The following PRKAR1A variants were observed in gnomAD, a reference collection of about 807,000 sequenced individuals.
The protein encoded by PRKAR1A is protein kinase cAMP-dependent type I regulatory subunit alpha, also known as cAMP-dependent protein kinase type I-alpha regulatory subunit.
A neutral mutation model predicts 52.0 loss-of-function variants in PRKAR1A; 3 were observed. The observed-to-expected ratio is 0.06, with a 90% confidence interval of 0.03 to 0.15. The LOEUF is 0.15. Ranked by LOEUF, PRKAR1A falls within the 10% of genes least tolerant of loss-of-function variation. The probability of loss-of-function intolerance (pLI) is 1.00; values close to 1 mark genes in which losing one functional copy is unlikely to be tolerated. For synonymous variants in PRKAR1A, 188 were observed against 168.4 expected, an observed-to-expected ratio of 1.12 and a Z score of -0.90; for missense variants, 240 against 477.4, an observed-to-expected ratio of 0.50 and a Z score of 4.63.
chr17:68,439,422 T>C, the PRKAR1A span, among the ~76,000 whole-genome samples: 4 of 152,014 alleles, frequency 2.6e-5, no homozygotes, highest in African/African-American at 7.2e-5. Flanking sequence ...ATGTCCAGAA[T>C]AGAGAAATCC....
the PRKAR1A span, among the ~76,000 whole-genome samples, chr17:68,483,476 G>A: frequency 4.6e-5 from 7 of 151,830 alleles, no homozygotes; most frequent in South Asian, 2.1e-4. Context: ...GCAAGACTCC[G>A]TCTTAAAACA....
At chr17:68,468,897 C>G in the PRKAR1A span, among the ~76,000 whole-genome samples, 1 of 152,214 alleles carries the variant, frequency 6.6e-6, no homozygotes, top group Non-Finnish European at 1.5e-5. Context: ...GCTCTCAGCT[C>G]TTCTCTCTCC....
chr17:68,424,439 C>T, the PRKAR1A span: 1 of 534,738 alleles, frequency 1.9e-6, no homozygotes, highest in Non-Finnish European at 3.8e-6. Context: ...ACCTGCACTC[C>T]ATCCTTTTAC....
chr17:68,444,695 T>G, the PRKAR1A span: 6 of 869,708 alleles, frequency 6.9e-6, no homozygotes, highest in Non-Finnish European at 1.0e-5. Context: ...ATTCTAAGCC[T>G]AAAGCAGAAT....
At chr17:68,432,899 C>T in the PRKAR1A span, among the ~76,000 whole-genome samples, 3 of 152,142 alleles carry the variant, frequency 2.0e-5, no homozygotes, top group Non-Finnish European at 4.4e-5. Flanking sequence ...ACAGGTGTAA[C>T]TCAAAGCTCA....
chr17:68,532,593 T>C lies in PRKAR1A; in HGVS notation c.*2144T>C. The stretch of plus-strand genomic sequence containing the variant: ...TAAAAGTCATTATTCCTGGGCTTGG[T>C]AAGTGAATTTATGAGATTTACTGCT... On this transcript the variant is annotated 3_prime_UTR_variant, in exon 11 of 11. Coordinates refer to ENST00000589228, the MANE Select transcript of PRKAR1A (RefSeq NM_002734.5). The C allele has an allele frequency of 1.9e-6, 2 of 1,066,252 alleles. No homozygotes were observed. The highest frequency in any genetic ancestry group is 2.3e-6 in the Non-Finnish European group (2 of 879,600). The allele number at this position is 1,066,252 out of a possible 1,614,324, so 66.0% of individuals were successfully genotyped here. A position where few individuals can be genotyped will look rare whatever the true frequency, so the allele number is the denominator to read the frequency against.
chr17:68,543,714 G>T, intron 11 of PRKAR1A: 2 of 1,613,824 alleles, frequency 1.2e-6, no homozygotes, highest in Non-Finnish European at 1.7e-6. Context: ...TCCTCATCTC[G>T]CTGCTGTCTG....
the PRKAR1A span, chr17:68,424,436 C>T: frequency 1.9e-6 from 1 of 534,746 alleles, no homozygotes. Flanking sequence ...CAGACCTGCA[C>T]TCCATCCTTT....
At chr17:68,537,176 A>G, downstream of PRKAR1A, 1 of 568,922 alleles carries the variant, frequency 1.8e-6, no homozygotes, top group Non-Finnish European at 3.3e-6. The surrounding 1 kb of genome is among the most constrained non-coding windows in gnomAD (Gnocchi z 4.2). Context: ...TCCTGGGATC[A>G]AGGCTGCCAA....
At chr17:68,528,722 A>T in intron 8 of PRKAR1A, 148 bp from the exon 9 acceptor site, 1 of 1,014,248 alleles carries the variant, frequency 9.9e-7, no homozygotes, top group Non-Finnish European at 1.5e-6. Flanking sequence ...GACTAGAGGT[A>T]ATTGAAGACA....
chr17:68,507,876 C>T (rs933352590), upstream of PRKAR1A, among the ~76,000 whole-genome samples: 2 of 152,156 alleles, frequency 1.3e-5, no homozygotes, highest in African/African-American at 2.4e-5. Flanking sequence ...TCACTGAATA[C>T]ATGCTTGTGA....
At chr17:68,536,717 G>A (rs2086106887), downstream of PRKAR1A, 1 of 453,868 alleles carries the variant, frequency 2.2e-6, no homozygotes, top group Non-Finnish European at 4.4e-6. Flanking sequence ...ATGCCATCCT[G>A]ACCTTGGAGG....
chr17:68,515,333 A>T (rs553498372), intron 1 of PRKAR1A, 61 bp from the exon 2 acceptor site: 2 of 1,586,784 alleles, frequency 1.3e-6, no homozygotes, highest in African/African-American at 2.7e-5. Flanking sequence ...AGCAAGTTAA[A>T]TGCCAGATTG....
the PRKAR1A span, among the ~76,000 whole-genome samples, chr17:68,452,160 C>T: frequency 6.6e-6 from 1 of 152,240 alleles, no homozygotes; most frequent in Non-Finnish European, 1.5e-5. Context: ...CATGCTTCAA[C>T]ATCATTGACA....
At chr17:68,471,004 T>C in the PRKAR1A span, among the ~76,000 whole-genome samples, 1 of 152,256 alleles carries the variant, frequency 6.6e-6, no homozygotes, top group East Asian at 1.9e-4. Context: ...AAGAGTTCAC[T>C]GTACACATTA....
chr17:68,543,791 G>A (rs774042804), intron 11 of PRKAR1A: 2 of 1,317,492 alleles, frequency 1.5e-6, no homozygotes, highest in Non-Finnish European at 1.1e-6. Context: ...GAGCTGATGA[G>A]CATGACCAGC....
chr17:68,511,592 C>T (rs2143078922), upstream of PRKAR1A, among the ~76,000 whole-genome samples: 1 of 152,298 alleles, frequency 6.6e-6, no homozygotes, highest in South Asian at 2.1e-4. Context: ...TCCTCTTGGA[C>T]CCTGACAAAG....
At chr17:68,433,460 G>A in the PRKAR1A span, 3 of 1,613,148 alleles carry the variant, frequency 1.9e-6, no homozygotes, top group Non-Finnish European at 2.5e-6. Context: ...GCCCCGCGGA[G>A]TACTTGCCTG....
chr17:68,424,661 A>C, the PRKAR1A span: 1 of 367,762 alleles, frequency 2.7e-6, no homozygotes, highest in South Asian at 2.0e-5. Context: ...GGATCACTTG[A>C]GGTCAGGAGT....
Sources: allele counts gnomAD v4.1 joint callset (sites outside exome capture counted in the v4.1 genomes callset), GRCh38; gene constraint gnomAD v4.1.1; non-coding constraint Gnocchi (gnomAD v3.1); transcripts MANE v1.5; gene names NCBI Gene and HGNC (gene_info 2026-07-23, HGNC 2026-07-21).